Variants in RBPJ observed in about 807,000 individuals in gnomAD.
The protein encoded by RBPJ is recombination signal binding protein for immunoglobulin kappa J region.
A neutral mutation model predicts 67.8 loss-of-function variants in RBPJ; 9 were observed. The observed-to-expected ratio is 0.13, with a 90% CI of 0.08 to 0.23. The LOEUF is 0.23. RBPJ is among the 10% of genes least tolerant of loss of function. The pLI is 1.00. For synonymous variants in RBPJ, 198 were observed against 203.3 expected, an observed-to-expected ratio of 0.97 and a Z score of 0.22; for missense variants, 305 against 595.6, an observed-to-expected ratio of 0.51 and a Z score of 5.08.
intron 1 of RBPJ, among the ~76,000 whole-genome samples, chr4:26,198,287 A>G (rs572347764): frequency 8.1e-6 from 1 of 122,978 alleles, no homozygotes; most frequent in South Asian, 2.6e-4. Flanking sequence ...CAAAAAAACA[A>G]AAAATACTAT....
the RBPJ span, among the ~76,000 whole-genome samples, chr4:26,133,633 C>A: frequency 6.6e-6 from 1 of 152,152 alleles, no homozygotes; most frequent in Non-Finnish European, 1.5e-5. Context: ...GGAGCGTGAA[C>A]CCTATAGGGA....
rs143814094 is a variant in RBPJ at position 26,303,181 on chromosome 4, AAAATAAATAAAT to A, written c.-166-59238_-166-59227del. Reference sequence around the variant, plus strand: ...GGGTGACAGACTGCAACCCTGTCAAAAAATAAATAAATAAATAAATAAATAAATAAATAAATA... The same window carrying A: ...GGGTGACAGACTGCAACCCTGTCAAAAAATAAATAAATAAATAAATAAATA... On this transcript the variant is annotated intron_variant, in intron 1 of 4. Coordinates refer to the RBPJ transcript ENST00000512351. Among the ~76,000 whole-genome samples the A allele has an allele frequency of 2.3e-3, 315 of 138,374 alleles. 1 individual carries two copies. Among genetic ancestry groups the A allele is most frequent in the Middle Eastern group, 0.011 (3 of 272 alleles). 90.8% of individuals were successfully genotyped at this position (138,374 alleles called of 152,430 possible). A position where few individuals can be genotyped will look rare whatever the true frequency, so the allele number is the denominator to read the frequency against.
chr4:26,254,287 A>T (rs986674643), intron 1 of RBPJ, among the ~76,000 whole-genome samples: 2 of 149,088 alleles, frequency 1.3e-5, no homozygotes, highest in African/African-American at 2.6e-5. Flanking sequence ...TGGATTATAC[A>T]GCCCTACTTA....
intron 1 of RBPJ, among the ~76,000 whole-genome samples, chr4:26,297,023 G>A (rs998289297): frequency 6.6e-6 from 1 of 152,144 alleles, no homozygotes; most frequent in African/African-American, 2.4e-5. Flanking sequence ...GACTGGGCAC[G>A]GTAGTTCATG....
intron 1 of RBPJ, among the ~76,000 whole-genome samples, chr4:26,246,385 C>T (rs1719929412): frequency 6.6e-6 from 1 of 152,166 alleles, no homozygotes; most frequent in Admixed American, 6.5e-5. Flanking sequence ...AGAAATTTGA[C>T]TTTGGTATAT....
In RBPJ at chr4:26,237,718, A is replaced by T. The variant is rs1021446659; in HGVS notation, c.-167+74104A>T. Among the ~76,000 whole-genome samples, 4 of 152,354 alleles carry T rather than the reference A, an allele frequency of 2.6e-5. No homozygotes were observed. The South Asian group carries it at 8.3e-4, about 32-fold the overall frequency. The stretch of plus-strand genomic sequence containing the variant: ...TTTTTTGACCCTCGGTCTCCCTATC[A>T]GTACAATTTGGACAATACACACTTA... On this transcript the variant is annotated intron_variant, in intron 1 of 4. Transcript: ENST00000512351.
chr4:26,404,140 T>C (rs1733138481), intron 2 of RBPJ, among the ~76,000 whole-genome samples: 1 of 151,964 alleles, frequency 6.6e-6, no homozygotes. Flanking sequence ...TACTGAGCTT[T>C]TTTTCATATG....
At chr4:26,406,025 G>T in intron 2 of RBPJ, 150 bp from the exon 3 acceptor site, 1 of 522,918 alleles carries the variant, frequency 1.9e-6, no homozygotes. Context: ...TTTAATTTAT[G>T]GATTTACTTT....
chr4:26,381,193 A>G (rs1730292518), intron 1 of RBPJ, among the ~76,000 whole-genome samples: 1 of 151,790 alleles, frequency 6.6e-6, no homozygotes, highest in Non-Finnish European at 1.5e-5. Context: ...AACTTTTATC[A>G]CATTTGTCCT....
intron 1 of RBPJ, among the ~76,000 whole-genome samples, chr4:26,263,308 C>T (rs1046825581): frequency 6.7e-6 from 1 of 148,496 alleles, no homozygotes; most frequent in African/African-American, 2.5e-5. Context: ...TCTAACCACC[C>T]AGCCCCCCCG....
intron 1 of RBPJ, among the ~76,000 whole-genome samples, chr4:26,173,212 T>C (rs2109120352): frequency 6.6e-6 from 1 of 152,244 alleles, no homozygotes; most frequent in East Asian, 1.9e-4. Flanking sequence ...CTCGGCTCAC[T>C]GCAACCTCCA....
chr4:26,139,699 C>G, the RBPJ span, among the ~76,000 whole-genome samples: 1 of 152,164 alleles, frequency 6.6e-6, no homozygotes, highest in Non-Finnish European at 1.5e-5. Flanking sequence ...ACAGGGGCCT[C>G]TGTTTTCTGT....
At chr4:26,314,547 TAGTG>T (rs1577416830) in intron 1 of RBPJ, among the ~76,000 whole-genome samples, 1 of 152,242 alleles carries the variant, frequency 6.6e-6, no homozygotes, top group South Asian at 2.1e-4. Flanking sequence ...GTTCTTGTGA[TAGTG>T]AGTGAGTTCT....
intron 1 of RBPJ, among the ~76,000 whole-genome samples, chr4:26,298,916 G>C (rs1219020889): frequency 1.3e-5 from 2 of 152,084 alleles, no homozygotes; most frequent in African/African-American, 4.8e-5. Context: ...ATCAATTTAA[G>C]AACTAAAACT....
chr4:26,258,630 T>C (rs889426929), intron 1 of RBPJ, among the ~76,000 whole-genome samples: 1 of 151,998 alleles, frequency 6.6e-6, no homozygotes, highest in African/African-American at 2.4e-5. Flanking sequence ...AACTTTACCT[T>C]TCAACATAAG....
At chr4:26,331,620 G>T (rs771442652) in intron 1 of RBPJ, among the ~76,000 whole-genome samples, 1 of 152,068 alleles carries the variant, frequency 6.6e-6, no homozygotes, top group Non-Finnish European at 1.5e-5. Flanking sequence ...CCTGTTTTTG[G>T]TGCTGCTTAT....
upstream of RBPJ, among the ~76,000 whole-genome samples, chr4:26,317,095 T>C (rs1722676498): frequency 6.6e-6 from 1 of 151,742 alleles, no homozygotes; most frequent in South Asian, 2.1e-4. Flanking sequence ...GTCCTTGCCC[T>C]TATTAATATT....
rs568484149 is a variant in RBPJ at position 26,264,904 on chromosome 4, A to T, written c.-166-97542A>T. On this transcript the variant is annotated intron_variant, in intron 1 of 4. Transcript: ENST00000512351. The surrounding 1 kb of genome is among the most constrained non-coding windows in gnomAD (Gnocchi z 4.1). ...TAAACAAACTGACAATAGACAGATTAATAGGAGAAAAGGCATACACATTTA... is the reference window on the plus strand; with the variant it reads ...TAAACAAACTGACAATAGACAGATTTATAGGAGAAAAGGCATACACATTTA... 6.6e-6 allele frequency among the ~76,000 whole-genome samples: 1 copy of T among 152,328 alleles called. No homozygotes were observed. The highest frequency in any genetic ancestry group is 2.4e-5 in the African/African-American group (1 of 41,574).
intron 1 of RBPJ, among the ~76,000 whole-genome samples, chr4:26,209,211 G>A (rs1345199604): frequency 2.6e-5 from 4 of 152,004 alleles, no homozygotes; most frequent in African/African-American, 9.7e-5. Context: ...AAGTTAAAAT[G>A]TTGATTCTAT....
Sources: gnomAD v4.1 joint callset for allele counts (sites outside exome capture counted in the v4.1 genomes callset) on GRCh38, gnomAD v4.1.1 for gene constraint, Gnocchi (gnomAD v3.1) non-coding constraint, MANE v1.5 for transcripts, NCBI Gene and HGNC (gene_info 2026-07-23, HGNC 2026-07-21) for gene names.